CNKSR1: variants seen among roughly 807,000 people sequenced by gnomAD.
CNKSR1 encodes connector enhancer of kinase suppressor of Ras 1, also known as CNK homolog protein 1.
A neutral mutation model predicts 95.6 loss-of-function variants in CNKSR1; 88 were observed. The observed-to-expected ratio is 0.92, with a 90% CI of 0.78 to 1.10. The LOEUF (loss-of-function observed/expected upper bound fraction) is 1.10. Among genes scored for constraint, CNKSR1 ranks in the 50% least tolerant of loss-of-function variants. CNKSR1 has a pLI of 0.00. For missense variants in CNKSR1, 836 were observed against 912.0 expected, an observed-to-expected ratio of 0.92 and a Z score of 1.07; for synonymous variants, 355 against 369.7, an observed-to-expected ratio of 0.96 and a Z score of 0.46.
chr1:26,182,100 C>CT, intron 4 of CNKSR1, 159 bp downstream of exon 4: 1 of 787,932 alleles, frequency 1.3e-6, no homozygotes, highest in Non-Finnish European at 2.1e-6. Context: ...ACAATGGGGC[C>CT]TGGGGTCCCC....
chr1:26,178,040 T>C (rs2088590642), intron 1 of CNKSR1, among the ~76,000 whole-genome samples: 1 of 152,092 alleles, frequency 6.6e-6, no homozygotes, highest in African/African-American at 2.4e-5. Context: ...ACAGAGCACC[T>C]AACATGTTCC....
rs746195001 is a variant in CNKSR1 at position 26,188,508 on chromosome 1, G to GT, written c.1590+6dup. 7.6e-5 allele frequency: 122 copies of GT among 1,602,606 alleles called. 1 individual carries two copies. The South Asian group carries it at 1.3e-3, about 17-fold the overall frequency. ...GCTGGGTCCCACTCAGCCTCGGTGA[G>GT]TGGGGGGCTGCCGGGGGTAGGAGGT... On this transcript the variant is annotated splice_donor_region_variant and intron_variant, in intron 18 of 20. Coordinates refer to ENST00000361530, the MANE Select transcript of CNKSR1 (RefSeq NM_006314.3).
In CNKSR1 at chr1:26,187,394, C is replaced by T; in HGVS notation, c.1383-17C>T. Reference sequence around the variant, plus strand: ...GGGCACGCCCAGGCTGAGTGATGCTCCTCCACTACCTGGCAGTGTGTTTCA... The same window carrying T: ...GGGCACGCCCAGGCTGAGTGATGCTTCTCCACTACCTGGCAGTGTGTTTCA... On this transcript the variant is annotated splice_polypyrimidine_tract_variant and intron_variant, in intron 15 of 20. Transcript: ENST00000361530. 3.1e-6 allele frequency: 5 copies of T among 1,613,852 alleles called. No individual in the cohort carries two copies. The highest frequency in any genetic ancestry group is 4.2e-6 in the Non-Finnish European group (5 of 1,179,806).
At chr1:26,186,110 A>G (rs1220076731) in intron 14 of CNKSR1, among the ~76,000 whole-genome samples, 2 of 152,202 alleles carry the variant, frequency 1.3e-5, no homozygotes, top group African/African-American at 4.8e-5. Flanking sequence ...GTGGGAGCAC[A>G]GCAGAGGTGT....
chr1:26,188,749 C>T, intron 19 of CNKSR1, 23 bp from the exon 20 acceptor site: 1 of 1,610,330 alleles, frequency 6.2e-7, no homozygotes, highest in Non-Finnish European at 8.5e-7. Context: ...GGCACATCCT[C>T]ATCCTGCTCT....
chr1:26,189,253 T>G, intron 20 of CNKSR1, 26 bp from the exon 21 acceptor site: 1 of 1,613,372 alleles, frequency 6.2e-7, no homozygotes, highest in Non-Finnish European at 8.5e-7. Flanking sequence ...GTGATCATGG[T>G]CCCTTAGCCC....
rs367628633 is a variant in CNKSR1 at position 26,180,443 on chromosome 1, C to T, written c.53-10C>T. On this transcript the variant is annotated splice_polypyrimidine_tract_variant and intron_variant, in intron 1 of 20. Transcript: ENST00000361530. ...CTGCTTCCCCGAGCTGAGCCTTACT[C>T]TCCCTCCAGGTCTTGACGACTCCCT... 20 of 1,613,564 alleles carry T rather than the reference C, an allele frequency of 1.2e-5. No individual in the cohort carries two copies. The highest frequency in any genetic ancestry group is 1.6e-5 in the Non-Finnish European group (19 of 1,180,046).
chr1:26,183,663 G>A (rs1044644077), intron 8 of CNKSR1, 66 bp from the exon 9 acceptor site: 3 of 1,223,018 alleles, frequency 2.5e-6, no homozygotes, highest in Non-Finnish European at 3.6e-6. Context: ...GCACGAGGGT[G>A]AGAGTTGGTG....
In CNKSR1 at chr1:26,189,493, A is replaced by C. The variant is rs770836137; in HGVS notation, c.2087A>C (p.His696Pro). The change falls in exon 21 of 21, where the codon CAC becomes CCC. Residue 696 changes from histidine (H) to proline (P), a missense_variant. By Grantham distance (77) the His-to-Pro change is moderately conservative. Coordinates refer to ENST00000361530, the MANE Select transcript of CNKSR1 (RefSeq NM_006314.3). Reference sequence around the variant, plus strand: ...TCCCTGCCCTCTGACCCTGAAGAGCACTCCCATCTCTGCCCCCTGACCTCA... The same window carrying C: ...TCCCTGCCCTCTGACCCTGAAGAGCCCTCCCATCTCTGCCCCCTGACCTCA... ...PHSLPSDPEE[H>P]SHLCPLTSES... The C allele has an allele frequency of 6.2e-7, 1 of 1,610,488 alleles. No homozygotes were observed. The highest frequency in any genetic ancestry group is 1.1e-5 in the South Asian group (1 of 90,952).
chr1:26,189,115 A>G (rs956417596), intron 20 of CNKSR1, among the ~76,000 whole-genome samples, 162 bp downstream of exon 20: 4 of 152,176 alleles, frequency 2.6e-5, no homozygotes, highest in Admixed American at 6.5e-5. Context: ...GGACTGGGCC[A>G]GGCTCTGGGT....
At chr1:26,181,340 T>C (rs1331197685) in intron 3 of CNKSR1, among the ~76,000 whole-genome samples, 1 of 149,048 alleles carries the variant, frequency 6.7e-6, no homozygotes, top group Non-Finnish European at 1.5e-5. Flanking sequence ...TTAATCCACC[T>C]GTGCAGGGGC....
At chr1:26,181,103 A>G in intron 3 of CNKSR1, 1 of 586,606 alleles carries the variant, frequency 1.7e-6, no homozygotes, top group Non-Finnish European at 3.1e-6. Flanking sequence ...AACATGGTGA[A>G]ACCCCATCTT....
At chr1:26,181,690 G>A (rs948695702) in intron 3 of CNKSR1, 167 bp from the exon 4 acceptor site, 5 of 679,992 alleles carry the variant, frequency 7.4e-6, no homozygotes, top group African/African-American at 7.1e-5. Context: ...TGACAAATAA[G>A]TCCTGTGCTA....
intron 17 of CNKSR1, 23 bp downstream of exon 17, chr1:26,188,330 T>A (rs1420099902): frequency 2.5e-6 from 4 of 1,612,860 alleles, no homozygotes. Flanking sequence ...CAGGGTTGAG[T>A]GGGAGGAACC....
At position 26,178,695 on chromosome 1, in the gene CNKSR1, G is replaced by A. The variant is rs573938587; in HGVS notation, c.52+1096G>A. Among the ~76,000 whole-genome samples the A allele has an allele frequency of 2.6e-5, 4 of 152,310 alleles. No homozygotes were observed. In the South Asian group the frequency reaches 8.3e-4, roughly 32 times the overall value. ...ACCGCTTGCCAGCTCTGTGACCATAGGTCTTAGTTTTTCTGTCCATCAAAT... is the reference window on the plus strand; with the variant it reads ...ACCGCTTGCCAGCTCTGTGACCATAAGTCTTAGTTTTTCTGTCCATCAAAT... On this transcript the variant is annotated intron_variant, in intron 1 of 20. Transcript: ENST00000361530.
In CNKSR1 at chr1:26,178,269, C is replaced by T. The variant is rs559594544; in HGVS notation, c.52+670C>T. Among the ~76,000 whole-genome samples, 10 of 152,318 alleles carry T rather than the reference C, an allele frequency of 6.6e-5. No individual in the cohort carries two copies. In the East Asian group the frequency reaches 1.9e-3, roughly 29 times the overall value. On this transcript the variant is annotated intron_variant, in intron 1 of 20. Transcript: ENST00000361530. ...CAGTGGGCTGTTGTTAAATCCGTTTCTTAGAGTCAGAAACTGACACACAGA... is the reference window on the plus strand; with the variant it reads ...CAGTGGGCTGTTGTTAAATCCGTTTTTTAGAGTCAGAAACTGACACACAGA...
rs769043013 is a variant in CNKSR1, at chr1:26,184,074, C to T, written c.859C>T (p.Pro287Ser). The T allele has an allele frequency of 1.2e-6, 2 of 1,610,628 alleles. No homozygotes were observed. Among genetic ancestry groups the T allele is most frequent in the Non-Finnish European group, 1.7e-6 (2 of 1,179,062 alleles). ...IPIPETPPQT[P>S]PQVLDSPHQR... Reference sequence around the variant, plus strand: ...TTTGTTCCTGGTTGTTCCCCAGACGCCCCCTCAGGTCCTGGACTCCCCGCA... The same window carrying T: ...TTTGTTCCTGGTTGTTCCCCAGACGTCCCCTCAGGTCCTGGACTCCCCGCA... Residue 287 changes from proline (P) to serine (S), a missense_variant, in exon 10 of 21, where the codon CCC (proline) becomes TCC (serine). By Grantham distance (74) the Pro-to-Ser change is moderately conservative. Coordinates refer to ENST00000361530, the MANE Select transcript of CNKSR1 (RefSeq NM_006314.3).
intron 1 of CNKSR1, among the ~76,000 whole-genome samples, chr1:26,179,796 C>T (rs2088615731): frequency 6.6e-6 from 1 of 152,180 alleles, no homozygotes; most frequent in Non-Finnish European, 1.5e-5. Context: ...TCCCCTGTAT[C>T]ATTAGTTCTC....
Position 26,188,837 on chromosome 1 carries a change from G to A in CNKSR1, c.1756G>A (p.Gly586Ser). Residue 586 changes from glycine (G) to serine (S), a missense_variant, in exon 20 of 21, where the codon GGC becomes AGC. Physicochemically the swap from Gly to Ser is moderately conservative, Grantham distance 56. Coordinates refer to ENST00000361530, the MANE Select transcript of CNKSR1 (RefSeq NM_006314.3). ...GAGGCAGGGTGGCGTGTCCCTCCTA[G>A]GCCAGCCACAGCCCCTGACCCAGGA... ...GLRQGGVSLL[G>S]QPQPLTQEQW... 6.2e-7 allele frequency: 1 copy of A among 1,613,170 alleles called. No individual in the cohort carries two copies. The highest frequency in any genetic ancestry group is 8.5e-7 in the Non-Finnish European group (1 of 1,179,850).
Sources: allele counts gnomAD v4.1 joint callset (sites outside exome capture counted in the v4.1 genomes callset), GRCh38; gene constraint gnomAD v4.1.1; transcripts MANE v1.5; gene names NCBI Gene and HGNC (gene_info 2026-07-23, HGNC 2026-07-21).